TNRC18: variants seen among roughly 807,000 people sequenced by gnomAD.
The protein encoded by TNRC18 is trinucleotide repeat containing 18.
TNRC18 carries 69 observed loss-of-function variants against 226.7 expected under a neutral mutation model. That is an observed-to-expected ratio of 0.30 (90% CI 0.25 to 0.37). TNRC18 has a LOEUF of 0.37. TNRC18 is among the 10% of genes least tolerant of loss of function. The pLI is 1.00. For synonymous variants in TNRC18, 2,449 were observed against 1,927.6 expected, an observed-to-expected ratio of 1.27 and a Z score of -7.09; for missense variants, 4,754 against 4,256.6, an observed-to-expected ratio of 1.12 and a Z score of -3.25.
intron 14 of TNRC18, 68 bp from the exon 15 acceptor site, chr7:5,359,637 C>T: frequency 6.3e-7 from 1 of 1,592,848 alleles, no homozygotes; most frequent in Non-Finnish European, 8.6e-7. Context: ...GGTCCACCCT[C>T]ATGGCCCTGA....
intron 2 of TNRC18, among the ~76,000 whole-genome samples, chr7:5,395,566 CAG>C (rs1238884744): frequency 6.6e-6 from 1 of 152,246 alleles, no homozygotes; most frequent in Non-Finnish European, 1.5e-5. Flanking sequence ...GGTCACAGGT[CAG>C]AGAGAAGCAT....
intron 18 of TNRC18, 41 bp downstream of exon 18, chr7:5,345,521 C>CCCCCCCCCCCCCCCCCCCCCCCA: frequency 1.1e-5 from 2 of 189,874 alleles, no homozygotes; most frequent in Non-Finnish European, 1.1e-5. Flanking sequence ...GCGTCCGCCC[C>CCCCCCCCCCCCCCCCCCCCCCCA]TCCCACCCAC....
chr7:5,421,852 C>T (rs1782605857), intron 1 of TNRC18, among the ~76,000 whole-genome samples: 1 of 152,256 alleles, frequency 6.6e-6, no homozygotes, highest in Non-Finnish European at 1.5e-5. Context: ...TCCTAGGCGT[C>T]AAATGCTCCG....
intron 11 of TNRC18, among the ~76,000 whole-genome samples, chr7:5,363,976 G>A (rs1019933867): frequency 3.3e-5 from 5 of 152,002 alleles, no homozygotes; most frequent in African/African-American, 1.2e-4. Flanking sequence ...ATATTCAAAT[G>A]CACACGACAT....
chr7:5,399,896 G>T (rs1023463393), intron 2 of TNRC18, among the ~76,000 whole-genome samples: 1 of 144,804 alleles, frequency 6.9e-6, no homozygotes, highest in African/African-American at 2.5e-5. Context: ...ACAAAAATTA[G>T]CTGGGCGTGG....
chr7:5,419,398 C>G (rs1311021868), intron 2 of TNRC18, among the ~76,000 whole-genome samples: 2 of 152,210 alleles, frequency 1.3e-5, no homozygotes, highest in Non-Finnish European at 2.9e-5. Context: ...TACCGATTCC[C>G]AGGCTTGGGG....
At chr7:5,345,517 GCCCCTCCCA>G in intron 18 of TNRC18, 36 bp downstream of exon 18, 5 of 377,744 alleles carry the variant, frequency 1.3e-5, no homozygotes, top group East Asian at 4.6e-5. Flanking sequence ...AATGGCGTCC[GCCCCTCCCA>G]CCCACCCCCA....
intron 26 of TNRC18, 35 bp from the exon 27 acceptor site, chr7:5,313,898 G>T (rs759305885): frequency 7.0e-7 from 1 of 1,431,116 alleles, no homozygotes; most frequent in Non-Finnish European, 9.1e-7. Context: ...CTGGGGCGGG[G>T]GCTTCCTGGC....
At chr7:5,406,101 C>A (rs1384718503) in intron 2 of TNRC18, among the ~76,000 whole-genome samples, 1 of 152,170 alleles carries the variant, frequency 6.6e-6, no homozygotes, top group Non-Finnish European at 1.5e-5. Context: ...AAGGACAATC[C>A]GATACATTCC....
At chr7:5,376,346 CG>C in intron 8 of TNRC18, 122 bp from the exon 9 acceptor site, 1 of 916,220 alleles carries the variant, frequency 1.1e-6, no homozygotes, top group East Asian at 2.9e-5. Flanking sequence ...GGGCTCTCTG[CG>C]GGCCCCCGGC....
At chr7:5,403,734 G>A (rs552038072) in intron 2 of TNRC18, among the ~76,000 whole-genome samples, 85 of 151,876 alleles carry the variant, frequency 5.6e-4, no homozygotes, top group Admixed American at 1.3e-3. Flanking sequence ...TAGAGGCATT[G>A]AGCTATGGTT....
chr7:5,309,147 C>T lies in TNRC18; in HGVS notation c.8610G>A (p.Gln2870=). Residue 2870 remains glutamine (Q), a synonymous_variant, in exon 28 of 30, where the codon CAG becomes CAA. Coordinates refer to ENST00000430969, the MANE Select transcript of TNRC18 (RefSeq NM_001080495.3). This position sits in a 1 kb window ranked among gnomAD's most constrained non-coding sequence, Gnocchi z 5.7. ...GCAGGCTCACCTGGCCCTGGTGGAA[C>T]TGCTTGCCCGGGCTGGTCTCCTCGG... The part of the protein sequence containing the change: ...YHPEETSPGK[Q]FHQGQHWDQK... 1 of 1,610,276 alleles carries T rather than the reference C, an allele frequency of 6.2e-7. No individual in the cohort carries two copies. Among genetic ancestry groups the T allele is most frequent in the Non-Finnish European group, 8.5e-7 (1 of 1,178,960 alleles).
At chr7:5,379,979 C>T (rs1024265942) in intron 5 of TNRC18, among the ~76,000 whole-genome samples, 2 of 152,164 alleles carry the variant, frequency 1.3e-5, no homozygotes, top group Non-Finnish European at 2.9e-5. Flanking sequence ...GGGGATCAGC[C>T]GCCAGCACAG....
In TNRC18 at chr7:5,312,972, G is replaced by A. The variant is rs1429663832; in HGVS notation, c.7919C>T (p.Ser2640Phe). The A allele has an allele frequency of 1.8e-6, 2 of 1,099,874 alleles. No individual in the cohort carries two copies. Among genetic ancestry groups the A allele is most frequent in the East Asian group, 2.8e-5 (1 of 36,134 alleles). The allele number at this position is 1,099,874 out of a possible 1,614,324, so 68.1% of individuals were successfully genotyped here. Residue 2640 changes from serine (S) to phenylalanine (F), a missense_variant, in exon 27 of 30, where the codon TCC becomes TTC. By Grantham distance (155) the Ser-to-Phe change is radical. Coordinates refer to ENST00000430969, the MANE Select transcript of TNRC18 (RefSeq NM_001080495.3). This position sits in a 1 kb window ranked among gnomAD's most constrained non-coding sequence, Gnocchi z 6.3. Reference sequence around the variant, plus strand: ...GGAGGAAGACGAAGAGGAAGAGGAGGAGGAGGAAGAGGAGGAGGAGGAAGA... The same window carrying A: ...GGAGGAAGACGAAGAGGAAGAGGAGAAGGAGGAAGAGGAGGAGGAGGAAGA... ...SSSSSSSSSSSSSSSSSSSSS... is the reference protein window; with the variant it reads ...SSSSSSSSSSFSSSSSSSSSS...
intron 29 of TNRC18, 134 bp from the exon 30 acceptor site, chr7:5,308,446 G>T: frequency 1.3e-6 from 1 of 795,426 alleles, no homozygotes; most frequent in Non-Finnish European, 2.0e-6. Context: ...CAGAGACAGA[G>T]GCTGAGTAAG....
In TNRC18 at chr7:5,362,817, G is replaced by A. The variant is rs765598851; in HGVS notation, c.4228C>T (p.Arg1410Trp). ...RRSQEMGGAE[R>W]ALVARPSLES... ...AGGGAGGGCCGCGCCACCAGGGCCC[G>A]CTCCGCACCTGTGGACAGGAGGTAG... is the stretch of plus-strand genomic sequence containing the variant. Residue 1410 changes from arginine (R) to tryptophan (W), a missense_variant, in exon 12 of 30, where the codon CGG (arginine) becomes TGG (tryptophan). Transcript: ENST00000430969. 19 of 1,543,862 alleles carry A rather than the reference G, an allele frequency of 1.2e-5. No individual in the cohort carries two copies. Among genetic ancestry groups the A allele is most frequent in the South Asian group, 4.8e-5 (4 of 82,636 alleles).
intron 19 of TNRC18, among the ~76,000 whole-genome samples, chr7:5,327,621 A>G (rs1166334707): frequency 6.6e-6 from 1 of 152,146 alleles, no homozygotes; most frequent in African/African-American, 2.4e-5. Flanking sequence ...AGAAAAAAAA[A>G]GGCCTGAATG....
rs1427273999 is a variant in TNRC18 at position 5,377,582 on chromosome 7, A to G, written c.2256-6T>C. The G allele has an allele frequency of 5.1e-6, 8 of 1,572,658 alleles. No homozygotes were observed. The highest frequency in any genetic ancestry group is 1.4e-5 in the African/African-American group (1 of 74,000). On this transcript the variant is annotated splice_region_variant and splice_polypyrimidine_tract_variant and intron_variant, in intron 6 of 29. Coordinates refer to ENST00000430969, the MANE Select transcript of TNRC18 (RefSeq NM_001080495.3). This position sits in a 1 kb window ranked among gnomAD's most constrained non-coding sequence, Gnocchi z 5.8. ...CAGCCAGCTCCTTACTCTCTCTGGA[A>G]GGAGGATCATAGGTGTCAGCGACAG...
intron 17 of TNRC18, among the ~76,000 whole-genome samples, chr7:5,349,989 C>T (rs1052581831): frequency 1.3e-5 from 2 of 152,314 alleles, no homozygotes; most frequent in Middle Eastern, 3.4e-3. Flanking sequence ...GGCGCCAGCC[C>T]GGAGCCCCTT....
Sources: gnomAD v4.1 joint callset for allele counts (sites outside exome capture counted in the v4.1 genomes callset) on GRCh38, gnomAD v4.1.1 for gene constraint, Gnocchi (gnomAD v3.1) non-coding constraint, MANE v1.5 for transcripts, NCBI Gene and HGNC (gene_info 2026-07-23, HGNC 2026-07-21) for gene names.